The following FGF14 variants were observed in gnomAD, a reference collection of about 807,000 sequenced individuals.
The protein encoded by FGF14 is fibroblast growth factor 14, also known as fibroblast growth factor homologous factor 4.
Under a neutral mutation model 25.5 loss-of-function variants are expected in FGF14, and 5 were observed. The observed-to-expected ratio is 0.20, with a 90% CI of 0.10 to 0.41. The LOEUF is 0.41. Ranked by LOEUF, FGF14 falls within the 10% of genes least tolerant of loss-of-function variation. The pLI is 1.00. For missense variants in FGF14, 222 were observed against 320.1 expected, an observed-to-expected ratio of 0.69 and a Z score of 2.34; for synonymous variants, 138 against 118.3, an observed-to-expected ratio of 1.17 and a Z score of -1.08.
intron 1 of FGF14, among the ~76,000 whole-genome samples, chr13:102,350,177 G>A (rs1382121954): frequency 6.6e-6 from 1 of 152,030 alleles, no homozygotes; most frequent in African/African-American, 2.4e-5. Context: ...ACATCAATCT[G>A]AGCAACATAG....
intron 1 of FGF14, among the ~76,000 whole-genome samples, chr13:102,123,569 G>A (rs952151762): frequency 1.4e-5 from 2 of 147,924 alleles, no homozygotes; most frequent in Non-Finnish European, 1.5e-5. Flanking sequence ...TGATCAAAAT[G>A]TTATACAGTT....
intron 1 of FGF14, among the ~76,000 whole-genome samples, chr13:102,039,972 A>C (rs2041652650): frequency 7.6e-6 from 1 of 131,524 alleles, no homozygotes; most frequent in Non-Finnish European, 1.6e-5. Flanking sequence ...TTGTGTTTAC[A>C]TGTTAAAAAA....
chr13:102,023,320 C>T (rs1161790586), intron 1 of FGF14, among the ~76,000 whole-genome samples: 1 of 151,972 alleles, frequency 6.6e-6, no homozygotes, highest in South Asian at 2.1e-4. Flanking sequence ...GTGCTACCAA[C>T]TAAAGTGCTA....
At position 102,165,826 on chromosome 13, in the gene FGF14, A is replaced by G. The variant is rs186919296; in HGVS notation, c.208+235645T>C. ...AAAGTATAATAATAATAATAATAATAATAAAAGAAAGTAGATTCCTGGTTG... is the reference window on the plus strand; with the variant it reads ...AAAGTATAATAATAATAATAATAATGATAAAAGAAAGTAGATTCCTGGTTG... On this transcript the variant is annotated intron_variant, in intron 1 of 4. Transcript: ENST00000376131. 1.1e-3 allele frequency among the ~76,000 whole-genome samples: 168 copies of G among 150,900 alleles called. 1 individual carries two copies. The highest frequency in any genetic ancestry group is 0.011 in the Admixed American group (168 of 15,208).
chr13:101,873,568 A>G lies in FGF14; in HGVS notation c.304+1618T>C, dbSNP rs568829667. On this transcript the variant is annotated intron_variant, in intron 2 of 4. Transcript: ENST00000376143. ...AACACTGAAGACATCAGAAATTATG[A>G]ATCGCTAAACTTTGTGACCTACACA... Among the ~76,000 whole-genome samples, 4 of 152,206 alleles carry G rather than the reference A, an allele frequency of 2.6e-5. No individual in the cohort carries two copies. The East Asian group carries it at 7.7e-4, about 29-fold the overall frequency.
At chr13:102,372,962 G>A (rs1317186565) in intron 1 of FGF14, among the ~76,000 whole-genome samples, 1 of 152,056 alleles carries the variant, frequency 6.6e-6, no homozygotes, top group Non-Finnish European at 1.5e-5. Context: ...ATTTACCCAA[G>A]GCTACACCAT....
chr13:102,224,934 C>T (rs73567219), intron 1 of FGF14, among the ~76,000 whole-genome samples: 5,206 of 152,164 alleles, frequency 0.034, 293 homozygotes, highest in African/African-American at 0.12. Context: ...CTCTGCTTCC[C>T]TTCCTTCACA....
chr13:102,301,826 TCACACACACACACACACACA>T (rs3066038), intron 1 of FGF14, among the ~76,000 whole-genome samples: 1 of 139,978 alleles, frequency 7.1e-6, no homozygotes, highest in Non-Finnish European at 1.5e-5. Flanking sequence ...TTCCTGTACT[TCACACACACACACACACACA>T]CACACACACA....
chr13:102,041,539 AC>A (rs758254358), intron 1 of FGF14, among the ~76,000 whole-genome samples: 1 of 71,118 alleles, frequency 1.4e-5, no homozygotes, highest in Non-Finnish European at 3.2e-5. Flanking sequence ...AAAAAAAAAA[AC>A]AGTGTATGTT....
At chr13:101,931,805 C>T (rs1292654455) in intron 1 of FGF14, among the ~76,000 whole-genome samples, 4 of 152,268 alleles carry the variant, frequency 2.6e-5, no homozygotes, top group East Asian at 1.9e-4. Context: ...CTGAAGAACG[C>T]GATTGACCCA....
chr13:102,260,399 A>T (rs1232708277), intron 1 of FGF14, among the ~76,000 whole-genome samples: 1 of 152,244 alleles, frequency 6.6e-6, no homozygotes, highest in African/African-American at 2.4e-5. Context: ...AGTGGAGAGC[A>T]AAGTAATGCC....
At chr13:102,345,181 G>A (rs560322251) in intron 1 of FGF14, among the ~76,000 whole-genome samples, 33 of 152,222 alleles carry the variant, frequency 2.2e-4, no homozygotes, top group African/African-American at 7.9e-4. Flanking sequence ...CAGGTATATT[G>A]AAGAAGTAAA....
intron 1 of FGF14, among the ~76,000 whole-genome samples, chr13:102,032,157 A>C (rs2041244112): frequency 6.6e-6 from 1 of 152,130 alleles, no homozygotes; most frequent in Non-Finnish European, 1.5e-5. Context: ...GCAGCACAGG[A>C]CCTTACCCAC....
chr13:102,317,455 G>C (rs1449780524), intron 1 of FGF14, among the ~76,000 whole-genome samples: 2 of 152,046 alleles, frequency 1.3e-5, no homozygotes, highest in Non-Finnish European at 2.9e-5. Context: ...TACACACATT[G>C]AAGGAGTTAA....
At chr13:101,877,831 G>A (rs1327033019) in intron 1 of FGF14, among the ~76,000 whole-genome samples, 1 of 152,070 alleles carries the variant, frequency 6.6e-6, no homozygotes, top group African/African-American at 2.4e-5. Context: ...ATACATCTCT[G>A]CCCCATTAAA....
chr13:102,164,889 A>G (rs960646884), intron 1 of FGF14, among the ~76,000 whole-genome samples: 2 of 152,210 alleles, frequency 1.3e-5, no homozygotes, highest in Non-Finnish European at 2.9e-5. Flanking sequence ...CTTTTACTTA[A>G]AAGTTCAAAA....
chr13:102,178,498 A>G (rs1461473385), intron 1 of FGF14, among the ~76,000 whole-genome samples: 1 of 152,178 alleles, frequency 6.6e-6, no homozygotes, highest in Non-Finnish European at 1.5e-5. Context: ...CATCGCCCAA[A>G]TAGTGGACAC....
intron 1 of FGF14, among the ~76,000 whole-genome samples, chr13:101,884,888 C>T (rs1594604095): frequency 6.7e-6 from 1 of 150,214 alleles, no homozygotes; most frequent in Non-Finnish European, 1.5e-5. Context: ...CACACACACA[C>T]ACACAGAGTA....
chr13:101,853,155 A>C (rs2043944823), intron 3 of FGF14, among the ~76,000 whole-genome samples: 1 of 152,150 alleles, frequency 6.6e-6, no homozygotes, highest in African/African-American at 2.4e-5. Context: ...TAAAAAGATC[A>C]AAATAACTAT....
Sources: gnomAD v4.1 joint callset for allele counts (sites outside exome capture counted in the v4.1 genomes callset) on GRCh38, gnomAD v4.1.1 for gene constraint, MANE v1.5 for transcripts, NCBI Gene and HGNC (gene_info 2026-07-23, HGNC 2026-07-21) for gene names.